BRF1: variants seen among roughly 807,000 people sequenced by gnomAD.
The protein encoded by BRF1 is BRF1 general transcription factor IIIB subunit.
Under a neutral mutation model 81.7 loss-of-function variants are expected in BRF1, and 59 were observed. That is an observed-to-expected ratio of 0.72 (90% CI 0.59 to 0.90). The LOEUF is 0.90. Ranked by LOEUF, BRF1 falls within the 40% of genes least tolerant of loss-of-function variation. The pLI is 0.00. For missense variants in BRF1, 1,050 were observed against 936.3 expected, an observed-to-expected ratio of 1.12 and a Z score of -1.58; for synonymous variants, 491 against 395.6, an observed-to-expected ratio of 1.24 and a Z score of -2.86.
intron 10 of BRF1, among the ~76,000 whole-genome samples, chr14:105,223,911 A>C (rs1231608151): frequency 6.6e-6 from 1 of 152,220 alleles, no homozygotes; most frequent in African/African-American, 2.4e-5. Flanking sequence ...TCATTTCTTG[A>C]AACCACTTGC....
intron 3 of BRF1, among the ~76,000 whole-genome samples, chr14:105,267,120 C>T (rs1399323474): frequency 6.6e-6 from 1 of 152,122 alleles, no homozygotes; most frequent in African/African-American, 2.4e-5. Flanking sequence ...AGGAGAGACT[C>T]CAAAACTCAA....
intron 1 of BRF1, among the ~76,000 whole-genome samples, chr14:105,294,766 T>A (rs1011488738): frequency 6.6e-6 from 1 of 152,226 alleles, no homozygotes; most frequent in African/African-American, 2.4e-5. Context: ...GAGGCCACTG[T>A]GGACCCCGCA....
chr14:105,285,740 C>T (rs763416887), intron 2 of BRF1, among the ~76,000 whole-genome samples: 7 of 152,134 alleles, frequency 4.6e-5, no homozygotes, highest in African/African-American at 1.4e-4. Context: ...ATGAAAAGAA[C>T]GCATGAAATG....
intron 1 of BRF1, among the ~76,000 whole-genome samples, chr14:105,306,346 C>T (rs967103485): frequency 2.6e-5 from 4 of 152,204 alleles, no homozygotes; most frequent in Non-Finnish European, 4.4e-5. Context: ...CTCTGTCCCC[C>T]AGGCTGGAGT....
At chr14:105,311,313 G>C (rs1249876900) in intron 1 of BRF1, among the ~76,000 whole-genome samples, 1 of 152,010 alleles carries the variant, frequency 6.6e-6, no homozygotes, top group Admixed American at 6.6e-5. Context: ...GAGTGCAGTG[G>C]TGTGATCCTG....
intron 1 of BRF1, among the ~76,000 whole-genome samples, chr14:105,296,550 G>A (rs913318896): frequency 8.6e-5 from 13 of 151,304 alleles, no homozygotes; most frequent in South Asian, 2.1e-4. Flanking sequence ...GTGCGGTGGC[G>A]GGTGCCTGTG....
intron 3 of BRF1, among the ~76,000 whole-genome samples, chr14:105,268,735 A>G (rs2056533191): frequency 4.6e-5 from 7 of 152,198 alleles, no homozygotes; most frequent in Admixed American, 4.6e-4. Context: ...GCACCCCACA[A>G]CGTAAGCTCA....
intron 5 of BRF1, chr14:105,246,974 A>C (rs1566830343): frequency 2.0e-5 from 20 of 985,210 alleles, no homozygotes; most frequent in Non-Finnish European, 2.4e-5. Flanking sequence ...AAATGGACCC[A>C]CCACAACCTG....
intron 8 of BRF1, 124 bp downstream of exon 8, chr14:105,226,510 A>G: frequency 1.3e-6 from 2 of 1,535,490 alleles, no homozygotes; most frequent in Non-Finnish European, 8.8e-7. Flanking sequence ...GGCTGGTCAT[A>G]GCACTGAAGA....
intron 4 of BRF1, 185 bp downstream of exon 4, chr14:105,256,333 G>A (rs2055865370): frequency 6.4e-7 from 1 of 1,551,612 alleles, no homozygotes; most frequent in Non-Finnish European, 8.7e-7. Flanking sequence ...ACAAGTCTCG[G>A]ACTGTGACCC....
chr14:105,214,831 C>T (rs180965036), intron 15 of BRF1, among the ~76,000 whole-genome samples: 79 of 152,306 alleles, frequency 5.2e-4, no homozygotes, highest in African/African-American at 1.7e-3. Context: ...CACCACCCCT[C>T]CCCACGTCGG....
chr14:105,312,967 C>G (rs587685200), intron 1 of BRF1, among the ~76,000 whole-genome samples: 3 of 152,170 alleles, frequency 2.0e-5, no homozygotes, highest in African/African-American at 7.2e-5. Flanking sequence ...CCTCACAGGC[C>G]GCCATCTCCT....
chr14:105,245,385 G>A (rs2055016592), intron 5 of BRF1, among the ~76,000 whole-genome samples: 1 of 151,316 alleles, frequency 6.6e-6, no homozygotes, highest in Non-Finnish European at 1.5e-5. Context: ...AATAAATAAA[G>A]GAAGCAATGA....
At chr14:105,305,882 C>T (rs76732584), upstream of BRF1, among the ~76,000 whole-genome samples, 7,400 of 152,346 alleles carry the variant, frequency 0.049, 624 homozygotes, top group African/African-American at 0.17. Context: ...TCATTCAGCC[C>T]TGCAAGGCAG....
chr14:105,228,214 A>G (rs1466656456), intron 7 of BRF1: 1 of 152,386 alleles, frequency 6.6e-6, no homozygotes, highest in Non-Finnish European at 1.5e-5. Context: ...AGACAGCCTC[A>G]TGCCTGTTTG....
chr14:105,252,529 G>C lies in BRF1; in HGVS notation c.522C>G (p.Leu174=). 6.2e-7 allele frequency: 1 copy of C among 1,613,894 alleles called. No homozygotes were observed. Among genetic ancestry groups the C allele is most frequent in the African/African-American group, 1.3e-5 (1 of 75,054 alleles). ...TACCTATGGCCGGCGCATTGATGCAGAGCTCTCTTGCCAAGAGAAGAAACG... is the reference window on the plus strand; with the variant it reads ...TACCTATGGCCGGCGCATTGATGCACAGCTCTCTTGCCAAGAGAAGAAACG... ...GKTFLLLARE[L]CINAPAIDPC... The change falls in exon 5 of 18, where the codon CTC becomes CTG. Residue 174 remains leucine, a synonymous_variant. Coordinates refer to ENST00000547530, the MANE Select transcript of BRF1 (RefSeq NM_001519.4).
In BRF1 at chr14:105,217,567, G is replaced by A. The variant is rs981235025; in HGVS notation, c.1749C>T (p.Asp583=). 1 of 1,613,470 alleles carries A rather than the reference G, an allele frequency of 6.2e-7. No individual in the cohort carries two copies. Among genetic ancestry groups the A allele is most frequent in the South Asian group, 1.1e-5 (1 of 91,074 alleles). The change falls in exon 15 of 18, where the codon GAC becomes GAT. Residue 583 remains aspartate, a synonymous_variant. Transcript: ENST00000547530. The part of the protein sequence containing the change: ...RRTPASRSGA[D]PVTSVGKRLR... ...ACCTTTTCCCCACACTGGTCACAGG[G>A]TCAGCCCCACTTCTGCTGGCCGGCG...
chr14:105,246,574 AT>A (rs1296623956), intron 5 of BRF1, among the ~76,000 whole-genome samples: 2 of 152,112 alleles, frequency 1.3e-5, no homozygotes, highest in Non-Finnish European at 2.9e-5. Context: ...GGTTCGAGCC[AT>A]TCTCCTTCCT....
At chr14:105,226,545 A>G (rs1010416625) in intron 8 of BRF1, 89 bp downstream of exon 8, 29 of 1,586,816 alleles carry the variant, frequency 1.8e-5, no homozygotes, top group Non-Finnish European at 2.4e-5. Flanking sequence ...TTGGGATGGC[A>G]CCAGCTCTGC....
Sources: gnomAD v4.1 joint callset for allele counts (sites outside exome capture counted in the v4.1 genomes callset) on GRCh38, gnomAD v4.1.1 for gene constraint, MANE v1.5 for transcripts, NCBI Gene and HGNC (gene_info 2026-07-23, HGNC 2026-07-21) for gene names.